The following ATP10B variants were observed in gnomAD, a reference collection of about 807,000 sequenced individuals.
The protein encoded by ATP10B is phospholipid-transporting ATPase VB.
In ATP10B, 122 loss-of-function variants were observed where a neutral mutation model predicts 141.2. The observed-to-expected ratio is 0.86, with a 90% CI of 0.75 to 1.00. The LOEUF is 1.00. Ranked by LOEUF, ATP10B falls within the 50% of genes least tolerant of loss-of-function variation. The probability of loss-of-function intolerance (pLI) is 0.00; values close to 1 mark genes in which losing one functional copy is unlikely to be tolerated. For missense variants in ATP10B, 1,876 were observed against 1,825.3 expected, an observed-to-expected ratio of 1.03 and a Z score of -0.51; for synonymous variants, 685 against 692.0, an observed-to-expected ratio of 0.99 and a Z score of 0.16.
intron 19 of ATP10B, among the ~76,000 whole-genome samples, chr5:160,604,301 GA>G (rs1398420836): frequency 2.0e-5 from 3 of 152,128 alleles, no homozygotes; most frequent in Non-Finnish European, 4.4e-5. Flanking sequence ...AGGTATTGGG[GA>G]TATAATGGTA....
At chr5:160,815,826 T>G (rs1434104849) in intron 1 of ATP10B, among the ~76,000 whole-genome samples, 1 of 152,218 alleles carries the variant, frequency 6.6e-6, no homozygotes, top group Non-Finnish European at 1.5e-5. Context: ...CAGACCACAG[T>G]GCAATCAAAC....
intron 3 of ATP10B, among the ~76,000 whole-genome samples, chr5:160,706,261 ATGG>A (rs1354398772): frequency 5.3e-5 from 8 of 152,232 alleles, no homozygotes; most frequent in Non-Finnish European, 1.2e-4. Flanking sequence ...TGGAAAAATC[ATGG>A]TGGTGTTCTT....
At position 160,618,102 on chromosome 5, in the gene ATP10B, A is replaced by G. The variant is rs552141565; in HGVS notation, c.2417-129T>C. 8.4e-5 allele frequency: 62 copies of G among 734,648 alleles called. No individual in the cohort carries two copies. The South Asian group carries it at 9.9e-4, about 12-fold the overall frequency. 45.5% of individuals were successfully genotyped at this position (734,648 alleles called of 1,614,324 possible). A position where few individuals can be genotyped will look rare whatever the true frequency, so the allele number is the denominator to read the frequency against. On this transcript the variant is annotated intron_variant, in intron 15 of 25. Coordinates refer to ENST00000327245, the MANE Select transcript of ATP10B (RefSeq NM_025153.3). ...GAAGGAATCCCTTACAGCCCACCTT[A>G]GAAACCTGAAGGAGCTCTCCTGGCT...
rs754671311 is a variant in ATP10B, at chr5:160,622,375, A to G, written c.1812+19T>C. 2 of 1,596,738 alleles carry G rather than the reference A, an allele frequency of 1.3e-6. No individual in the cohort carries two copies. Among genetic ancestry groups the G allele is most frequent in the Admixed American group, 3.6e-5 (2 of 56,146 alleles). ...TCTACCTCCTTTACCCTCCTCCCCC[A>G]GCCATCGCTGGTCCTTACCCTCTGC... is the stretch of plus-strand genomic sequence containing the variant. On this transcript the variant is annotated intron_variant, in intron 14 of 25. Coordinates refer to ENST00000327245, the MANE Select transcript of ATP10B (RefSeq NM_025153.3).
intron 3 of ATP10B, among the ~76,000 whole-genome samples, chr5:160,693,431 C>CACACACACACAA (rs1764190466): frequency 6.6e-5 from 10 of 151,392 alleles, no homozygotes; most frequent in Admixed American, 6.6e-4. Context: ...CACACACACA[C>CACACACACACAA]ACACACACAC....
intron 2 of ATP10B, among the ~76,000 whole-genome samples, chr5:160,783,107 G>T (rs934972346): frequency 6.6e-6 from 1 of 151,610 alleles, no homozygotes; most frequent in Non-Finnish European, 1.5e-5. Context: ...GTGAGATTTT[G>T]GTGCACCCAT....
chr5:160,636,239 G>T lies in ATP10B; in HGVS notation c.1071C>A (p.Phe357Leu), dbSNP rs777142089. Residue 357 changes from phenylalanine (F) to leucine (L), a missense_variant, in exon 11 of 26, where the codon TTC becomes TTA. Coordinates refer to ENST00000327245, the MANE Select transcript of ATP10B (RefSeq NM_025153.3). ...PFDVPDANGS[F>L]LPSALGGFYM... is the part of the protein sequence containing the mutation. The stretch of plus-strand genomic sequence containing the variant: ...AGAAGCCCCCAAGGGCACTGGGAAG[G>T]AAGCTGCCATTGGCATCTGGCACAT... 6.2e-7 allele frequency: 1 copy of T among 1,613,802 alleles called. No homozygotes were observed. Among genetic ancestry groups the T allele is most frequent in the Non-Finnish European group, 8.5e-7 (1 of 1,179,826 alleles).
chr5:160,765,093 A>G (rs1221782354), intron 2 of ATP10B, among the ~76,000 whole-genome samples: 1 of 152,236 alleles, frequency 6.6e-6, no homozygotes, highest in Non-Finnish European at 1.5e-5. Context: ...AAATGTAAAA[A>G]CATCCCATAT....
intron 7 of ATP10B, among the ~76,000 whole-genome samples, chr5:160,652,896 ATATATTATATATACATGTATATATAAT>A (rs1289042532): frequency 1.4e-5 from 1 of 69,020 alleles, no homozygotes; most frequent in African/African-American, 6.3e-5. Context: ...TAATTATATA[ATATATTATATATACATGTATATATAAT>A]ATATTATATA....
intron 24 of ATP10B, among the ~76,000 whole-genome samples, chr5:160,575,758 A>G (rs1199158633): frequency 2.0e-5 from 3 of 152,316 alleles, no homozygotes; most frequent in Admixed American, 6.5e-5. Flanking sequence ...TATTTAACAG[A>G]TAGTTATTGT....
chr5:160,891,898 TGA>T, the ATP10B span, among the ~76,000 whole-genome samples: 1 of 152,218 alleles, frequency 6.6e-6, no homozygotes, highest in South Asian at 2.1e-4. Context: ...CCCATCTATA[TGA>T]GTGTAGGAAT....
chr5:160,874,243 G>C, the ATP10B span, among the ~76,000 whole-genome samples: 5 of 123,548 alleles, frequency 4.0e-5, no homozygotes, highest in East Asian at 2.9e-4. Flanking sequence ...CCCTGAGCAG[G>C]CTAACTGGGA....
Position 160,644,053 on chromosome 5 carries a change from T to C in ATP10B, c.868+85A>G, listed in dbSNP as rs1469822621. ...GTAAATGGGAAGTTACTGTGAACAG[T>C]TGTTGGTTCCCATTGACTGAAGATG... is the stretch of plus-strand genomic sequence containing the variant. On this transcript the variant is annotated intron_variant, in intron 9 of 25. Transcript: ENST00000327245. 8.2e-6 allele frequency: 9 copies of C among 1,096,902 alleles called. No individual in the cohort carries two copies. The East Asian group carries it at 1.4e-4, about 17-fold the overall frequency. The allele number at this position is 1,096,902 out of a possible 1,614,324, so 67.9% of individuals were successfully genotyped here. A position where few individuals can be genotyped will look rare whatever the true frequency, so the allele number is the denominator to read the frequency against.
At chr5:160,824,251 C>T (rs57223981) in intron 1 of ATP10B, among the ~76,000 whole-genome samples, 19,904 of 152,036 alleles carry the variant, frequency 0.13, 1,391 homozygotes, top group African/African-American at 0.16. Context: ...CTCCTGACCT[C>T]GTGATCCAAC....
chr5:160,794,945 G>T (rs566544120), intron 1 of ATP10B, among the ~76,000 whole-genome samples: 1 of 152,090 alleles, frequency 6.6e-6, no homozygotes, highest in African/African-American at 2.4e-5. Context: ...ACAAATGCAA[G>T]AAATGCATTT....
intron 7 of ATP10B, among the ~76,000 whole-genome samples, chr5:160,661,733 A>G (rs536242957): frequency 7.4e-4 from 113 of 152,314 alleles, no homozygotes; most frequent in Admixed American, 2.9e-3. Flanking sequence ...TTTGAAAACT[A>G]GCACAAGACA....
At chr5:160,814,426 G>T (rs1257114520) in intron 1 of ATP10B, among the ~76,000 whole-genome samples, 1 of 152,118 alleles carries the variant, frequency 6.6e-6, no homozygotes, top group Non-Finnish European at 1.5e-5. Flanking sequence ...GAGAAGAGAA[G>T]TTTAGAGAAA....
chr5:160,872,454 A>G, the ATP10B span, among the ~76,000 whole-genome samples: 1 of 152,120 alleles, frequency 6.6e-6, no homozygotes, highest in African/African-American at 2.4e-5. Context: ...TCCTTGCCTA[A>G]ACCAATGTCT....
intron 25 of ATP10B, among the ~76,000 whole-genome samples, chr5:160,568,938 T>TGTGTTTAAACAAATTTGAATA (rs1358509909): frequency 3.9e-5 from 6 of 152,334 alleles, no homozygotes; most frequent in Admixed American, 3.9e-4. Flanking sequence ...ATGGAAGGTG[T>TGTGTTTAAACAAATTTGAATA]GTGTTTAAAC....
Sources: gnomAD v4.1 joint callset for allele counts (sites outside exome capture counted in the v4.1 genomes callset) on GRCh38, gnomAD v4.1.1 for gene constraint, MANE v1.5 for transcripts, NCBI Gene and HGNC (gene_info 2026-07-23, HGNC 2026-07-21) for gene names.